The following PTPN1 variants were observed in gnomAD, a reference collection of about 807,000 sequenced individuals.
The protein encoded by PTPN1 is tyrosine-protein phosphatase non-receptor type 1.
In PTPN1, 12 loss-of-function variants were observed where a neutral mutation model predicts 59.9. The ratio of observed to expected loss-of-function variants is 0.20; its 90% confidence interval spans 0.13 to 0.32. The LOEUF (loss-of-function observed/expected upper bound fraction) is 0.32, where lower values mean the gene tolerates loss of function less well. Among genes scored for constraint, PTPN1 ranks in the 10% least tolerant of loss-of-function variants. PTPN1 has a pLI of 1.00. For synonymous variants in PTPN1, 178 were observed against 203.6 expected (o/e 0.87, Z 1.07); for missense variants, 356 against 549.2 (o/e 0.65, Z 3.52).
rs541140526 is a variant in PTPN1, at chr20:50,546,490, C to T, written c.64-14873C>T. Among the ~76,000 whole-genome samples, 6 of 152,250 alleles carry T rather than the reference C, an allele frequency of 3.9e-5. No homozygotes were observed. In the South Asian group the frequency reaches 1.2e-3, roughly 32 times the overall value. On this transcript the variant is annotated intron_variant, in intron 1 of 9. Coordinates refer to ENST00000371621, the MANE Select transcript of PTPN1 (RefSeq NM_002827.4). ...TTCTTTGTTCCTTCTTCATCCTTAC[C>T]CCTCAGATGGTATGTAGAAAAGTAC...
At chr20:50,563,168 C>T (rs1165013522) in intron 2 of PTPN1, 1 of 150,546 alleles carries the variant, frequency 6.6e-6, no homozygotes, top group African/African-American at 2.4e-5. Flanking sequence ...CACTCCCAAT[C>T]TCACTCCTCT....
chr20:50,563,591 T>A (rs771677218), intron 2 of PTPN1, among the ~76,000 whole-genome samples: 1 of 152,222 alleles, frequency 6.6e-6, no homozygotes, highest in Non-Finnish European at 1.5e-5. Context: ...TCTTTATTTG[T>A]ACTAAGCCTC....
At chr20:50,512,255 A>G (rs578194426) in intron 1 of PTPN1, among the ~76,000 whole-genome samples, 40 of 152,328 alleles carry the variant, frequency 2.6e-4, no homozygotes, top group Admixed American at 5.9e-4. Context: ...TTAAATGAAA[A>G]TTGTTGGTCT....
intron 1 of PTPN1, among the ~76,000 whole-genome samples, chr20:50,552,090 G>A (rs1450674813): frequency 6.6e-6 from 1 of 152,134 alleles, no homozygotes; most frequent in Non-Finnish European, 1.5e-5. Flanking sequence ...TGTTGGAAAC[G>A]TAGCTCCCCT....
intron 1 of PTPN1, among the ~76,000 whole-genome samples, chr20:50,549,070 G>A (rs2082689599): frequency 6.6e-6 from 1 of 152,174 alleles, no homozygotes; most frequent in Admixed American, 6.5e-5. Context: ...AATTGCATAT[G>A]GAATGGATTT....
chr20:50,542,989 T>C (rs906696451), intron 1 of PTPN1, among the ~76,000 whole-genome samples: 2 of 152,246 alleles, frequency 1.3e-5, no homozygotes, highest in African/African-American at 4.8e-5. Flanking sequence ...TTTTCTGTTA[T>C]GCCTATTATA....
chr20:50,544,073 T>A (rs1234554643), intron 1 of PTPN1, among the ~76,000 whole-genome samples: 3 of 152,122 alleles, frequency 2.0e-5, no homozygotes, highest in African/African-American at 7.2e-5. Context: ...CTCAAACTCC[T>A]GACCTCGTGA....
intron 1 of PTPN1, among the ~76,000 whole-genome samples, chr20:50,560,043 G>A (rs780753441): frequency 3.9e-5 from 6 of 152,120 alleles, no homozygotes; most frequent in Non-Finnish European, 8.8e-5. Flanking sequence ...GAGGCTGCCA[G>A]TTGTGCATTC....
intron 4 of PTPN1, among the ~76,000 whole-genome samples, chr20:50,570,489 C>A (rs1002342755): frequency 6.6e-5 from 10 of 152,102 alleles, no homozygotes; most frequent in Admixed American, 6.5e-4. Context: ...TTTTTCTTCC[C>A]TCCTTAGTAG....
At chr20:50,529,043 T>C (rs946011669) in intron 1 of PTPN1, among the ~76,000 whole-genome samples, 10 of 152,218 alleles carry the variant, frequency 6.6e-5, no homozygotes, top group African/African-American at 2.4e-4. Flanking sequence ...TGCATGGAAT[T>C]GGACTTCGTT....
At chr20:50,537,880 A>G (rs1007245059) in intron 1 of PTPN1, among the ~76,000 whole-genome samples, 1 of 152,206 alleles carries the variant, frequency 6.6e-6, no homozygotes, top group Non-Finnish European at 1.5e-5. Flanking sequence ...AAAAGGCCTG[A>G]CAGTAATGTA....
At chr20:50,550,295 C>A (rs190553401) in intron 1 of PTPN1, among the ~76,000 whole-genome samples, 19 of 152,266 alleles carry the variant, frequency 1.2e-4, no homozygotes, top group African/African-American at 4.6e-4. Flanking sequence ...ATGGAGGTTC[C>A]GGGAGATCTT....
chr20:50,514,471 G>T (rs2082520589), intron 1 of PTPN1, among the ~76,000 whole-genome samples: 1 of 152,108 alleles, frequency 6.6e-6, no homozygotes, highest in Non-Finnish European at 1.5e-5. Flanking sequence ...AAACTGTCTT[G>T]TGATCTTGTA....
rs1023228139 is a variant in PTPN1, at chr20:50,531,910, C to T, written c.63+21320C>T. Among the ~76,000 whole-genome samples, 3 of 152,208 alleles carry T rather than the reference C, an allele frequency of 2.0e-5. No homozygotes were observed. The East Asian group carries it at 5.8e-4, about 29-fold the overall frequency. On this transcript the variant is annotated intron_variant, in intron 1 of 9. Coordinates refer to ENST00000371621, the MANE Select transcript of PTPN1 (RefSeq NM_002827.4). ...CATGTGGGATCTTAGGGCTACTTCCCTATAAGGCTGCAGGGCATGTGGTGT... is the reference window on the plus strand; with the variant it reads ...CATGTGGGATCTTAGGGCTACTTCCTTATAAGGCTGCAGGGCATGTGGTGT...
rs190292372 is a variant in PTPN1 at position 50,533,668 on chromosome 20, C to G, written c.63+23078C>G. ...TGACTTGGTGGCTGCTGTTTCACTT[C>G]TCAGCAGAAAGGGACACCCTTGCCC... is the stretch of plus-strand genomic sequence containing the variant. On this transcript the variant is annotated intron_variant, in intron 1 of 9. Transcript: ENST00000371621. Among the ~76,000 whole-genome samples the G allele has an allele frequency of 7.2e-3, 1,090 of 152,016 alleles. 9 individuals are homozygous for G. Among genetic ancestry groups the G allele is most frequent in the African/African-American group, 0.025 (1,045 of 41,434 alleles).
intron 1 of PTPN1, among the ~76,000 whole-genome samples, chr20:50,526,192 G>T (rs1005560543): frequency 2.6e-5 from 4 of 152,000 alleles, no homozygotes; most frequent in African/African-American, 7.3e-5. Flanking sequence ...TGCCATAGTG[G>T]GGAATTGCTT....
chr20:50,559,743 C>T (rs962542657), intron 1 of PTPN1, among the ~76,000 whole-genome samples: 4 of 151,940 alleles, frequency 2.6e-5, no homozygotes, highest in African/African-American at 9.7e-5. Flanking sequence ...TTTCGAGAGA[C>T]ATCTTTGTTT....
At chr20:50,511,916 C>G (rs989715539) in intron 1 of PTPN1, among the ~76,000 whole-genome samples, 2 of 152,090 alleles carry the variant, frequency 1.3e-5, no homozygotes, top group Non-Finnish European at 2.9e-5. Flanking sequence ...TTGAGCTCCG[C>G]TTAGAAAGGA....
intron 3 of PTPN1, among the ~76,000 whole-genome samples, chr20:50,565,453 C>T (rs895569170): frequency 6.6e-6 from 1 of 152,160 alleles, no homozygotes; most frequent in Non-Finnish European, 1.5e-5. Flanking sequence ...AGCAGTAGAC[C>T]AGGAATCTCT....
Sources: allele counts gnomAD v4.1 joint callset (sites outside exome capture counted in the v4.1 genomes callset), GRCh38; gene constraint gnomAD v4.1.1; transcripts MANE v1.5; gene names NCBI Gene and HGNC (gene_info 2026-07-23, HGNC 2026-07-21).